LGR6: variants seen among roughly 807,000 people sequenced by gnomAD.
The protein encoded by LGR6 is leucine-rich repeat-containing G protein-coupled receptor 6.
In LGR6, 45 loss-of-function variants were observed where a neutral mutation model predicts 69.4. The ratio of observed to expected loss-of-function variants is 0.65; its 90% CI spans 0.51 to 0.83. The LOEUF (loss-of-function observed/expected upper bound fraction) is 0.83. Ranked by LOEUF, LGR6 falls within the 40% of genes least tolerant of loss-of-function variation. The probability of loss-of-function intolerance (pLI) is 0.00; values close to 1 mark genes in which losing one functional copy is unlikely to be tolerated. For synonymous variants in LGR6, 538 were observed against 555.0 expected (o/e 0.97, Z 0.43); for missense variants, 1,108 against 1,246.7 (o/e 0.89, Z 1.68).
At chr1:202,272,643 G>A (rs767853996) in intron 4 of LGR6, among the ~76,000 whole-genome samples, 15 of 152,166 alleles carry the variant, frequency 9.9e-5, no homozygotes, top group Non-Finnish European at 1.9e-4. Flanking sequence ...TGCCATGCTC[G>A]GCCCAGCCTG....
intron 4 of LGR6, among the ~76,000 whole-genome samples, chr1:202,243,915 AAAGAT>A (rs1186818797): frequency 2.0e-5 from 3 of 151,372 alleles, no homozygotes; most frequent in Non-Finnish European, 4.4e-5. Flanking sequence ...GTGAAGGACT[AAAGAT>A]AAGAATAAAA....
At chr1:202,293,270 C>G (rs562507244) in intron 6 of LGR6, among the ~76,000 whole-genome samples, 1 of 152,324 alleles carries the variant, frequency 6.6e-6, no homozygotes, top group South Asian at 2.1e-4. Flanking sequence ...CCAAACACGA[C>G]TCCACAGCAC....
chr1:202,299,170 G>A (rs1281280552), intron 7 of LGR6, among the ~76,000 whole-genome samples: 4 of 148,342 alleles, frequency 2.7e-5, no homozygotes, highest in Admixed American at 1.4e-4. Flanking sequence ...TGAGGCATGA[G>A]AATTACTTGT....
chr1:202,222,366 G>A (rs527385271), intron 1 of LGR6, among the ~76,000 whole-genome samples: 20 of 152,188 alleles, frequency 1.3e-4, no homozygotes, highest in East Asian at 3.9e-4. Context: ...CCCCTCCTCC[G>A]CAGGGGAGAA....
At chr1:202,203,874 C>A in intron 1 of LGR6, 2 of 1,612,072 alleles carry the variant, frequency 1.2e-6, no homozygotes, top group East Asian at 2.2e-5. Flanking sequence ...CATCTCTGCC[C>A]GGTGAGTTGT....
At chr1:202,224,766 C>T (rs1403237186) in intron 1 of LGR6, among the ~76,000 whole-genome samples, 2 of 152,178 alleles carry the variant, frequency 1.3e-5, no homozygotes, top group East Asian at 1.9e-4. Flanking sequence ...TCACCTCCCT[C>T]TCTATGTTCC....
At chr1:202,308,107 C>T (rs1338604492) in intron 14 of LGR6, among the ~76,000 whole-genome samples, 5 of 152,202 alleles carry the variant, frequency 3.3e-5, no homozygotes, top group African/African-American at 9.7e-5. Flanking sequence ...GCCCTGGCCT[C>T]AGAGACCATC....
chr1:202,220,854 C>G (rs902716394), intron 1 of LGR6, among the ~76,000 whole-genome samples: 2 of 152,086 alleles, frequency 1.3e-5, no homozygotes, highest in African/African-American at 4.8e-5. Context: ...ATCAGACACA[C>G]ACACACACAC....
intron 1 of LGR6, among the ~76,000 whole-genome samples, chr1:202,208,002 G>C (rs930670904): frequency 6.6e-6 from 1 of 152,194 alleles, no homozygotes; most frequent in African/African-American, 2.4e-5. Context: ...GCCTGGACTT[G>C]GGAAATCCTA....
At chr1:202,306,192 A>G (rs1653172214) in intron 12 of LGR6, among the ~76,000 whole-genome samples, 1 of 152,198 alleles carries the variant, frequency 6.6e-6, no homozygotes, top group Non-Finnish European at 1.5e-5. Context: ...TTTGCATATT[A>G]CACACAGACA....
chr1:202,309,308 C>T, intron 15 of LGR6, 132 bp downstream of exon 15: 3 of 1,023,160 alleles, frequency 2.9e-6, no homozygotes, highest in Non-Finnish European at 4.2e-6. Context: ...AGTGGAAGGG[C>T]TCACCTGACC....
chr1:202,204,713 AAC>A (rs1203334276), intron 1 of LGR6, among the ~76,000 whole-genome samples: 99 of 136,770 alleles, frequency 7.2e-4, no homozygotes, highest in South Asian at 1.4e-3. Context: ...ACACACACCT[AAC>A]ACACACCTCC....
At chr1:202,239,545 A>G (rs1661988645) in intron 4 of LGR6, among the ~76,000 whole-genome samples, 1 of 152,112 alleles carries the variant, frequency 6.6e-6, no homozygotes, top group Non-Finnish European at 1.5e-5. Context: ...GCAAGGTGAT[A>G]GGGTTTGTGT....
chr1:202,275,611 G>T (rs1665482371), intron 4 of LGR6, among the ~76,000 whole-genome samples: 1 of 152,166 alleles, frequency 6.6e-6, no homozygotes, highest in Admixed American at 6.5e-5. Context: ...CATCAACTGA[G>T]CAAGAAGCCC....
chr1:202,273,250 T>C lies in LGR6; in HGVS notation c.429-3056T>C, dbSNP rs74357217. Among the ~76,000 whole-genome samples the C allele has an allele frequency of 3.1e-3, 478 of 152,246 alleles. 3 individuals are homozygous for C. Among genetic ancestry groups the C allele is most frequent in the Non-Finnish European group, 5.0e-3 (340 of 68,000 alleles). ...GAGACAGTGATTATTATTGGTGTCA[T>C]GGTTGTCACTGTAGGGATGTTCTCT... On this transcript the variant is annotated intron_variant, in intron 4 of 17. Coordinates refer to ENST00000367278, the MANE Select transcript of LGR6 (RefSeq NM_001017403.2).
chr1:202,313,569 A>G (rs547071319), intron 16 of LGR6, among the ~76,000 whole-genome samples: 20 of 152,264 alleles, frequency 1.3e-4, no homozygotes, highest in African/African-American at 4.8e-4. Context: ...CTTATCTGTC[A>G]CCTGCCTCAC....
intron 16 of LGR6, among the ~76,000 whole-genome samples, chr1:202,313,232 A>G (rs1200035767): frequency 6.6e-6 from 1 of 152,114 alleles, no homozygotes; most frequent in Non-Finnish European, 1.5e-5. Context: ...ATCTCAAAAA[A>G]AAAAAAAAAG....
chr1:202,208,301 T>A (rs1055741496), intron 1 of LGR6, among the ~76,000 whole-genome samples: 3 of 151,964 alleles, frequency 2.0e-5, no homozygotes, highest in Admixed American at 6.6e-5. Flanking sequence ...TGCCTTTGGG[T>A]CTGTTTCCTG....
chr1:202,205,803 C>T (rs371852957), intron 1 of LGR6, among the ~76,000 whole-genome samples: 21,111 of 148,480 alleles, frequency 0.14, 1,579 homozygotes, highest in African/African-American at 0.18. Flanking sequence ...TTCAAACATA[C>T]ACACCTCCTT....
Sources: gnomAD v4.1 joint callset for allele counts (sites outside exome capture counted in the v4.1 genomes callset) on GRCh38, gnomAD v4.1.1 for gene constraint, MANE v1.5 for transcripts, NCBI Gene and HGNC (gene_info 2026-07-23, HGNC 2026-07-21) for gene names.